Variants in MTMR8 observed in about 807,000 individuals in gnomAD.
MTMR8 encodes myotubularin related protein 8.
MTMR8 carries 65 observed loss-of-function variants against 39.3 expected under a neutral mutation model. The ratio of observed to expected loss-of-function variants is 1.65; its 90% CI spans 1.35 to 2.03. The LOEUF (loss-of-function observed/expected upper bound fraction) is 2.03, where lower values mean the gene tolerates loss of function less well. Among genes scored for constraint, MTMR8 ranks in the 30% most tolerant of loss-of-function variants. The probability of loss-of-function intolerance (pLI) is 0.00; values close to 1 mark genes in which losing one functional copy is unlikely to be tolerated. For missense variants in MTMR8, 777 were observed against 538.9 expected, an observed-to-expected ratio of 1.44 and a Z score of -4.37; for synonymous variants, 245 against 185.2, an observed-to-expected ratio of 1.32 and a Z score of -2.62.
At chrX:64,364,154 G>A (rs1050045945) in intron 1 of MTMR8, among the ~76,000 whole-genome samples, 5 of 112,511 alleles carry the variant, frequency 4.4e-5, no homozygotes, top group Admixed American at 9.3e-5. Context: ...CCAACTCTGG[G>A]GCAGGGCATA....
At chrX:64,302,520 C>A (rs898997216) in intron 12 of MTMR8, among the ~76,000 whole-genome samples, 1 of 111,939 alleles carries the variant, frequency 8.9e-6, no homozygotes, top group East Asian at 2.8e-4. Flanking sequence ...AGAAATCACC[C>A]GTCTTATGCG....
chrX:64,317,164 T>C (rs1184560340), intron 12 of MTMR8, among the ~76,000 whole-genome samples: 1 of 110,761 alleles, frequency 9.0e-6, no homozygotes, highest in East Asian at 2.8e-4. Context: ...TGCTATGATG[T>C]ATTTTCATGT....
Position 64,314,201 on chromosome X carries a change from T to C in MTMR8, c.1481+14571A>G, listed in dbSNP as rs773296439. Among the ~76,000 whole-genome samples, 176 of 113,101 alleles carry C rather than the reference T, an allele frequency of 1.6e-3. 1 individual carries two copies. Among genetic ancestry groups the C allele is most frequent in the Middle Eastern group, 4.6e-3 (1 of 219 alleles). On this transcript the variant is annotated intron_variant, in intron 12 of 13. Coordinates refer to ENST00000374852, the MANE Select transcript of MTMR8 (RefSeq NM_017677.4). ...CTGGTCACTACACTCTAATGAGTGG[T>C]AACAGCTAAAGTGTTTCATAGGGTG...
At chrX:64,377,025 G>A (rs1282979100) in intron 1 of MTMR8, among the ~76,000 whole-genome samples, 1 of 112,163 alleles carries the variant, frequency 8.9e-6, no homozygotes, top group Non-Finnish European at 1.9e-5. Context: ...ACAAGCCTTG[G>A]CAGCTTCCAC....
At chrX:64,315,586 T>C (rs1167902467) in intron 12 of MTMR8, among the ~76,000 whole-genome samples, 2 of 112,040 alleles carry the variant, frequency 1.8e-5, no homozygotes, top group African/African-American at 3.2e-5. Context: ...GTTTTCATAA[T>C]GCTTCTCTTT....
At chrX:64,307,032 A>G (rs948144587) in intron 12 of MTMR8, among the ~76,000 whole-genome samples, 1 of 112,050 alleles carries the variant, frequency 8.9e-6, no homozygotes, top group Admixed American at 9.5e-5. Context: ...CAATCTCTGC[A>G]CACCTTTTCA....
intron 1 of MTMR8, among the ~76,000 whole-genome samples, chrX:64,394,879 C>T (rs370606084): frequency 8.9e-6 from 1 of 112,295 alleles, no homozygotes; most frequent in South Asian, 3.7e-4. Flanking sequence ...TCTGGGCAAT[C>T]CCTGGGGAAG....
chrX:64,362,471 GAAA>G (rs760545171), intron 1 of MTMR8, among the ~76,000 whole-genome samples: 3 of 5,498 alleles, frequency 5.5e-4, no homozygotes, highest in Admixed American at 2.3e-3. Context: ...TACTATTGCA[GAAA>G]AAAAAAAAAA....
At chrX:64,294,978 G>A (rs1186899577) in intron 12 of MTMR8, among the ~76,000 whole-genome samples, 3 of 111,171 alleles carry the variant, frequency 2.7e-5, no homozygotes, top group Non-Finnish European at 5.7e-5. Flanking sequence ...GAACTCAGAA[G>A]GGTGAAGTAT....
chrX:64,359,356 G>T (rs772046933), intron 2 of MTMR8, 49 bp downstream of exon 2: 9 of 1,146,506 alleles, frequency 7.8e-6, no homozygotes, highest in Non-Finnish European at 9.4e-6. Context: ...TAGAGAGCAT[G>T]TATGCACAAC....
chrX:64,301,864 C>T (rs1921891101), intron 12 of MTMR8, among the ~76,000 whole-genome samples: 1 of 111,907 alleles, frequency 8.9e-6, no homozygotes, highest in Non-Finnish European at 1.9e-5. Context: ...TGGTGCCTCC[C>T]AGTTAGGCTG....
chrX:64,348,584 C>T (rs1923404366), intron 6 of MTMR8, 76 bp downstream of exon 6: 1 of 1,116,588 alleles, frequency 9.0e-7, no homozygotes. Flanking sequence ...TTCCCAATAA[C>T]ACTGCATGTC....
At chrX:64,366,024 T>C (rs978343231) in intron 1 of MTMR8, among the ~76,000 whole-genome samples, 5 of 112,015 alleles carry the variant, frequency 4.5e-5, no homozygotes, top group African/African-American at 1.6e-4. Flanking sequence ...GGCCATTACA[T>C]AATGGTAAAG....
In MTMR8 at chrX:64,301,824, C is replaced by A. The variant is rs959121852; in HGVS notation, c.1481+26948G>T. On this transcript the variant is annotated intron_variant, in intron 12 of 13. Coordinates refer to ENST00000374852, the MANE Select transcript of MTMR8 (RefSeq NM_017677.4). ...AGGACCCTCTGTTGGAATACCCTGC[C>A]GTGTGAGGTGTCAGTGTGCCCCTGC... Among the ~76,000 whole-genome samples the A allele has an allele frequency of 8.1e-5, 9 of 111,662 alleles. No homozygotes were observed. The South Asian group carries it at 1.5e-3, about 19-fold the overall frequency.
chrX:64,272,330 G>C (rs1931778563), intron 12 of MTMR8, among the ~76,000 whole-genome samples: 1 of 111,338 alleles, frequency 9.0e-6, no homozygotes, highest in African/African-American at 3.3e-5. Flanking sequence ...TCAACAAAGA[G>C]ACAGAAAATG....
chrX:64,335,544 C>G (rs913072936), intron 10 of MTMR8, among the ~76,000 whole-genome samples: 1 of 112,128 alleles, frequency 8.9e-6, no homozygotes, highest in African/African-American at 3.2e-5. Flanking sequence ...ACAGGTAAAG[C>G]CTTAGTGAGG....
chrX:64,336,874 AG>A (rs1348165190), intron 9 of MTMR8, among the ~76,000 whole-genome samples: 1 of 112,403 alleles, frequency 8.9e-6, no homozygotes, highest in Non-Finnish European at 1.9e-5. Context: ...TCTGTTTCTT[AG>A]AAAGATCAAC....
At chrX:64,388,310 G>C (rs1280762314) in intron 1 of MTMR8, among the ~76,000 whole-genome samples, 1 of 111,945 alleles carries the variant, frequency 8.9e-6, no homozygotes, top group East Asian at 2.8e-4. Flanking sequence ...CATTCATCAT[G>C]AAAACAACTG....
chrX:64,332,125 T>A (rs906248804), intron 10 of MTMR8, among the ~76,000 whole-genome samples: 2 of 112,591 alleles, frequency 1.8e-5, no homozygotes, highest in African/African-American at 6.5e-5. Flanking sequence ...AATTTTTAAT[T>A]GTATTTAATT....
Sources: allele counts gnomAD v4.1 joint callset (sites outside exome capture counted in the v4.1 genomes callset), GRCh38; gene constraint gnomAD v4.1.1; transcripts MANE v1.5; gene names NCBI Gene and HGNC (gene_info 2026-07-23, HGNC 2026-07-21).